The following CTNNA3 variants were observed in gnomAD, a reference collection of about 807,000 sequenced individuals.
CTNNA3 encodes the protein catenin alpha 3.
Under a neutral mutation model 95.7 loss-of-function variants are expected in CTNNA3, and 76 were observed. The ratio of observed to expected loss-of-function variants is 0.79; its 90% CI spans 0.66 to 0.96. The LOEUF (loss-of-function observed/expected upper bound fraction) is 0.96. CTNNA3 is among the 40% of genes least tolerant of loss of function. The pLI is 0.00. For missense variants in CTNNA3, 1,191 were observed against 1,089.8 expected, an observed-to-expected ratio of 1.09 and a Z score of -1.31; for synonymous variants, 431 against 374.4, an observed-to-expected ratio of 1.15 and a Z score of -1.74.
intron 5 of CTNNA3, among the ~76,000 whole-genome samples, chr10:67,374,537 A>T (rs534939578): frequency 6.6e-6 from 1 of 152,200 alleles, no homozygotes; most frequent in East Asian, 1.9e-4. Flanking sequence ...CTTCTTTTAT[A>T]TTGGGCTATA....
intron 5 of CTNNA3, among the ~76,000 whole-genome samples, chr10:67,253,556 C>A (rs977394774): frequency 2.0e-5 from 3 of 152,136 alleles, no homozygotes; most frequent in Non-Finnish European, 4.4e-5. Context: ...TGTTCTCTCT[C>A]TCTCTTTCCC....
At chr10:66,897,134 G>A (rs986869689) in intron 7 of CTNNA3, among the ~76,000 whole-genome samples, 7 of 151,952 alleles carry the variant, frequency 4.6e-5, no homozygotes, top group Non-Finnish European at 8.8e-5. Context: ...TGTCTGCTTT[G>A]TGTGAAAAAA....
chr10:67,482,240 T>C (rs1017723170), intron 5 of CTNNA3, among the ~76,000 whole-genome samples: 15 of 151,874 alleles, frequency 9.9e-5, no homozygotes, highest in African/African-American at 3.6e-4. Flanking sequence ...GGCCTCTTTT[T>C]TGGTTCCATA....
chr10:66,918,782 A>G (rs1360792591), intron 7 of CTNNA3, among the ~76,000 whole-genome samples: 2 of 152,194 alleles, frequency 1.3e-5, no homozygotes, highest in Non-Finnish European at 2.9e-5. Flanking sequence ...GCTGTTAGGA[A>G]TGCATCCTGA....
At chr10:67,212,812 CT>C (rs1477466166) in intron 6 of CTNNA3, among the ~76,000 whole-genome samples, 3 of 151,710 alleles carry the variant, frequency 2.0e-5, no homozygotes, top group African/African-American at 7.2e-5. Context: ...GTCATAATGA[CT>C]TTTTTATCTA....
intron 17 of CTNNA3, among the ~76,000 whole-genome samples, chr10:65,941,889 GAATT>G (rs1206120533): frequency 6.6e-6 from 1 of 152,094 alleles, no homozygotes; most frequent in Non-Finnish European, 1.5e-5. Flanking sequence ...ATTTTGAAAA[GAATT>G]AACCCTTGTG....
intron 7 of CTNNA3, among the ~76,000 whole-genome samples, chr10:66,925,030 T>G (rs1846991217): frequency 6.6e-6 from 1 of 152,206 alleles, no homozygotes. Context: ...AGCAAGAATT[T>G]GCTAATCACA....
chr10:66,218,563 T>A (rs553855819), intron 13 of CTNNA3, among the ~76,000 whole-genome samples: 19 of 152,318 alleles, frequency 1.2e-4, no homozygotes, highest in African/African-American at 4.3e-4. Context: ...CTTCAGAGAC[T>A]ACAACTCTAG....
chr10:66,651,803 C>CCTTGATCGCGGCACACAGCAGCGCG lies in CTNNA3; in HGVS notation c.1282-30020_1282-30019insCGCGCTGCTGTGTGCCGCGATCAAG, dbSNP rs574438926. ...ACGCCCACCCAGAACCCGCATTGGC[C>CCTTGATCGCGGCACACAGCAGCGCG]GGTTCCCACCCGCGCCTCTCCCTCT... On this transcript the variant is annotated intron_variant, in intron 9 of 17. Transcript: ENST00000433211. 3.9e-5 allele frequency among the ~76,000 whole-genome samples: 6 copies of CCTTGATCGCGGCACACAGCAGCGCG among 152,114 alleles called. No homozygotes were observed. The East Asian group carries it at 7.8e-4, about 20-fold the overall frequency.
intron 3 of CTNNA3, among the ~76,000 whole-genome samples, chr10:67,561,969 A>G (rs1262933480): frequency 6.6e-6 from 1 of 152,198 alleles, no homozygotes; most frequent in Non-Finnish European, 1.5e-5. Context: ...TAGACCAACA[A>G]CAGGATCTGA....
intron 5 of CTNNA3, among the ~76,000 whole-genome samples, chr10:67,386,679 C>A (rs1194057697): frequency 6.6e-6 from 1 of 152,046 alleles, no homozygotes; most frequent in Non-Finnish European, 1.5e-5. Context: ...TCCCAATGGC[C>A]TTTGTATATG....
intron 13 of CTNNA3, among the ~76,000 whole-genome samples, chr10:66,217,584 T>C (rs73313966): frequency 0.034 from 5,146 of 152,284 alleles, 289 homozygotes; most frequent in African/African-American, 0.12. Context: ...ACACTTGCTA[T>C]GAACAATCAT....
chr10:66,600,793 A>G (rs979265069), intron 10 of CTNNA3, among the ~76,000 whole-genome samples: 1 of 151,918 alleles, frequency 6.6e-6, no homozygotes, highest in African/African-American at 2.4e-5. Flanking sequence ...CCCTAAATAT[A>G]TGACAGTCAA....
chr10:67,469,232 A>G (rs1429537968), intron 5 of CTNNA3, among the ~76,000 whole-genome samples: 4 of 152,208 alleles, frequency 2.6e-5, no homozygotes, highest in Admixed American at 2.6e-4. Flanking sequence ...ATCCAAAATC[A>G]TTCTGATTTC....
intron 1 of CTNNA3, among the ~76,000 whole-genome samples, chr10:67,755,802 C>CAAAAAAAAAAAAAAAAA (rs201336788): frequency 6.8e-5 from 4 of 58,672 alleles, no homozygotes; most frequent in Non-Finnish European, 7.5e-5. Flanking sequence ...GTCTCTGCCT[C>CAAAAAAAAAAAAAAAAA]AAAAAAAAAA....
chr10:66,426,278 A>G (rs2132650179), intron 11 of CTNNA3, among the ~76,000 whole-genome samples: 1 of 152,140 alleles, frequency 6.6e-6, no homozygotes, highest in South Asian at 2.1e-4. Context: ...GTACTCAGTT[A>G]TTGTTTTAAT....
Position 67,639,153 on chromosome 10 carries a change from A to G in CTNNA3, c.99+8262T>C, listed in dbSNP as rs1030928138. Among the ~76,000 whole-genome samples the G allele has an allele frequency of 3.9e-5, 6 of 152,326 alleles. No individual in the cohort carries two copies. In the East Asian group the frequency reaches 7.7e-4, roughly 20 times the overall value. Reference sequence around the variant, plus strand: ...GAAAAAGAAGAATCAAATAGACCCAATAAAAAATGATAAAGGGGATATCAC... The same window carrying G: ...GAAAAAGAAGAATCAAATAGACCCAGTAAAAAATGATAAAGGGGATATCAC... On this transcript the variant is annotated intron_variant, in intron 2 of 17. Coordinates refer to ENST00000433211, the MANE Select transcript of CTNNA3 (RefSeq NM_013266.4).
At chr10:67,698,377 G>A (rs1047405156), upstream of CTNNA3, among the ~76,000 whole-genome samples, 5 of 152,166 alleles carry the variant, frequency 3.3e-5, no homozygotes, top group Non-Finnish European at 5.9e-5. Flanking sequence ...TGGATGTATT[G>A]AGAAGCCCCT....
intron 5 of CTNNA3, among the ~76,000 whole-genome samples, chr10:67,450,114 C>G (rs1846912714): frequency 6.6e-6 from 1 of 152,010 alleles, no homozygotes; most frequent in Non-Finnish European, 1.5e-5. Flanking sequence ...TCACACCAGT[C>G]AGGATGGTTA....
Sources: gnomAD v4.1 joint callset for allele counts (sites outside exome capture counted in the v4.1 genomes callset) on GRCh38, gnomAD v4.1.1 for gene constraint, MANE v1.5 for transcripts, NCBI Gene and HGNC (gene_info 2026-07-23, HGNC 2026-07-21) for gene names.